ACTR3B: variants seen among roughly 807,000 people sequenced by gnomAD.
ACTR3B encodes the protein actin-related protein 3B.
Under a neutral mutation model 59.0 loss-of-function variants are expected in ACTR3B, and 8 were observed. The observed-to-expected ratio is 0.14, with a 90% CI of 0.08 to 0.24. ACTR3B has a LOEUF of 0.24. Among genes scored for constraint, ACTR3B ranks in the 10% least tolerant of loss-of-function variants. ACTR3B has a pLI of 1.00. For synonymous variants in ACTR3B, 148 were observed against 197.9 expected (o/e 0.75, Z 2.12); for missense variants, 245 against 552.3 (o/e 0.44, Z 5.58).
At chr7:152,801,198 A>T (rs1277320905) in intron 3 of ACTR3B, among the ~76,000 whole-genome samples, 9 of 152,238 alleles carry the variant, frequency 5.9e-5, no homozygotes, top group African/African-American at 2.2e-4. Flanking sequence ...TCTCACCTCA[A>T]CTTCCCAAGT....
At chr7:152,843,722 C>A (rs1428152425) in intron 9 of ACTR3B, among the ~76,000 whole-genome samples, 1 of 152,158 alleles carries the variant, frequency 6.6e-6, no homozygotes, top group Non-Finnish European at 1.5e-5. Context: ...AAAAAAATAC[C>A]TTAAAGAATA....
intron 9 of ACTR3B, among the ~76,000 whole-genome samples, chr7:152,842,525 C>A (rs1328137328): frequency 6.6e-6 from 1 of 152,144 alleles, no homozygotes; most frequent in Non-Finnish European, 1.5e-5. Context: ...GGAGCGGGAG[C>A]CGCAGATAAT....
At chr7:152,760,052 G>T in intron 1 of ACTR3B, 126 bp downstream of exon 1, 1 of 860,290 alleles carries the variant, frequency 1.2e-6, no homozygotes, top group Non-Finnish European at 1.5e-6. Context: ...CACCTGGGCA[G>T]GTGGGGCGCC....
chr7:152,827,716 C>T (rs1462447472), intron 9 of ACTR3B, among the ~76,000 whole-genome samples: 11 of 152,024 alleles, frequency 7.2e-5, no homozygotes, highest in East Asian at 3.9e-4. Flanking sequence ...CAGCCTCCAC[C>T]GGGCACTGGA....
intron 9 of ACTR3B, 77 bp from the exon 10 acceptor site, chr7:152,852,049 G>A: frequency 6.3e-7 from 1 of 1,598,546 alleles, no homozygotes; most frequent in Non-Finnish European, 8.6e-7. Flanking sequence ...GGACCTGTGG[G>A]AGTTCTGTTG....
intron 11 of ACTR3B, 23 bp downstream of exon 11, chr7:152,853,600 C>T (rs1429559998): frequency 8.1e-6 from 13 of 1,599,066 alleles, no homozygotes; most frequent in Admixed American, 1.7e-5. Context: ...CTCGAGGGCT[C>T]TGTGTCTCCA....
chr7:152,787,536 A>G (rs972809190), intron 2 of ACTR3B, among the ~76,000 whole-genome samples: 1 of 151,932 alleles, frequency 6.6e-6, no homozygotes, highest in Admixed American at 6.6e-5. Context: ...AAGACTTTCT[A>G]TATTTTTTCT....
intron 9 of ACTR3B, among the ~76,000 whole-genome samples, chr7:152,844,875 A>G (rs1798147519): frequency 6.9e-6 from 1 of 144,580 alleles, no homozygotes; most frequent in Non-Finnish European, 1.5e-5. Flanking sequence ...TTTGTATTTG[A>G]TCTATTTTCT....
intron 9 of ACTR3B, among the ~76,000 whole-genome samples, chr7:152,828,207 T>TG (rs1796734012): frequency 1.3e-5 from 2 of 152,126 alleles, no homozygotes; most frequent in Non-Finnish European, 2.9e-5. Flanking sequence ...TGTTGAGGCG[T>TG]GGCCTTTGCT....
chr7:152,822,869 C>T (rs1203350751), intron 7 of ACTR3B, among the ~76,000 whole-genome samples: 1 of 152,204 alleles, frequency 6.6e-6, no homozygotes, highest in African/African-American at 2.4e-5. Context: ...TTGTGGCGTG[C>T]TGGGACCCAA....
chr7:152,833,341 C>T (rs1377961214), intron 9 of ACTR3B, among the ~76,000 whole-genome samples: 2 of 152,204 alleles, frequency 1.3e-5, no homozygotes, highest in Non-Finnish European at 2.9e-5. Flanking sequence ...GTATTTTAGA[C>T]ACAGATTTGT....
chr7:152,851,997 C>A, intron 9 of ACTR3B, 129 bp from the exon 10 acceptor site: 1 of 1,283,068 alleles, frequency 7.8e-7, no homozygotes, highest in Non-Finnish European at 1.1e-6. Context: ...TGCTTTTGTT[C>A]GCATCTTTCA....
At position 152,824,413 on chromosome 7, in the gene ACTR3B, C is replaced by T. The variant is rs563331833; in HGVS notation, c.859-617C>T. 3.3e-5 allele frequency among the ~76,000 whole-genome samples: 5 copies of T among 152,114 alleles called. No homozygotes were observed. Among genetic ancestry groups the T allele is most frequent in the Admixed American group, 6.5e-5 (1 of 15,278 alleles). ...CTCTGAGAGTGCACATTCAAGCTTA[C>T]TTTGATTTTTTAAAATATTTCAAAT... On this transcript the variant is annotated intron_variant, in intron 8 of 11. Coordinates refer to ENST00000256001, the MANE Select transcript of ACTR3B (RefSeq NM_020445.6). The surrounding 1 kb of genome is among the most constrained non-coding windows in gnomAD (Gnocchi z 4.2).
intron 2 of ACTR3B, among the ~76,000 whole-genome samples, chr7:152,797,637 TCTAA>T (rs1376029622): frequency 5.9e-5 from 9 of 152,196 alleles, no homozygotes; most frequent in African/African-American, 1.9e-4. Flanking sequence ...ATTTCTCCTA[TCTAA>T]CTGTAGTTAC....
intron 5 of ACTR3B, among the ~76,000 whole-genome samples, chr7:152,816,108 G>C (rs950132033): frequency 2.0e-5 from 3 of 152,074 alleles, no homozygotes; most frequent in Non-Finnish European, 4.4e-5. Context: ...CACCACGCCT[G>C]GCTAATTTTT....
chr7:152,817,406 A>G (rs964811400), intron 6 of ACTR3B, among the ~76,000 whole-genome samples: 3 of 152,180 alleles, frequency 2.0e-5, no homozygotes, highest in South Asian at 4.1e-4. Context: ...TTAAAAGCCA[A>G]GAAGGGGAGA....
At chr7:152,822,351 T>A (rs552071879) in intron 7 of ACTR3B, among the ~76,000 whole-genome samples, 103 of 152,336 alleles carry the variant, frequency 6.8e-4, no homozygotes, top group African/African-American at 2.4e-3. Flanking sequence ...GCAGCAAGTA[T>A]CTGGGGGTCA....
chr7:152,819,006 C>T (rs1795937157), intron 6 of ACTR3B, among the ~76,000 whole-genome samples: 1 of 152,124 alleles, frequency 6.6e-6, no homozygotes, highest in African/African-American at 2.4e-5. Context: ...CTGTCATGAG[C>T]TGATATTTAT....
chr7:152,759,952 C>T (rs766193957), intron 1 of ACTR3B, 26 bp downstream of exon 1: 12 of 1,345,838 alleles, frequency 8.9e-6, no homozygotes, highest in Admixed American at 3.1e-5. Flanking sequence ...CGCCCACCCC[C>T]GCTCCTCCGC....
Sources: allele counts gnomAD v4.1 joint callset (sites outside exome capture counted in the v4.1 genomes callset), GRCh38; gene constraint gnomAD v4.1.1; non-coding constraint Gnocchi (gnomAD v3.1); transcripts MANE v1.5; gene names NCBI Gene and HGNC (gene_info 2026-07-23, HGNC 2026-07-21).